DLGAP2: variants seen among roughly 807,000 people sequenced by gnomAD.
The protein encoded by DLGAP2 is DLG associated protein 2.
DLGAP2 carries 26 observed loss-of-function variants against 100.3 expected under a neutral mutation model. The observed-to-expected ratio is 0.26, with a 90% CI of 0.19 to 0.36. The LOEUF (loss-of-function observed/expected upper bound fraction) is 0.36. Ranked by LOEUF, DLGAP2 falls within the 10% of genes least tolerant of loss-of-function variation. DLGAP2 has a pLI of 1.00. For missense variants in DLGAP2, 1,858 were observed against 1,453.2 expected, an observed-to-expected ratio of 1.28 and a Z score of -4.53; for synonymous variants, 886 against 630.1, an observed-to-expected ratio of 1.41 and a Z score of -6.08.
intron 3 of DLGAP2, among the ~76,000 whole-genome samples, chr8:1,414,150 T>C (rs531051802): frequency 1.3e-5 from 2 of 152,118 alleles, no homozygotes; most frequent in African/African-American, 4.8e-5. Context: ...TGTTCAGGGT[T>C]GGGGGGAGTT....
intron 3 of DLGAP2, among the ~76,000 whole-genome samples, chr8:1,383,092 G>T (rs769421823): frequency 6.6e-6 from 1 of 152,184 alleles, no homozygotes. Flanking sequence ...ATCGCCACGT[G>T]GGCAGTGCCA....
rs867488078 is a variant in DLGAP2, at chr8:1,655,526, G to A, written c.1811-12803G>A. On this transcript the variant is annotated intron_variant, in intron 8 of 14. Coordinates refer to ENST00000637795, the MANE Select transcript of DLGAP2 (RefSeq NM_001346810.2). ...ATGGAATGCTAATTTTCAAATTCCC[G>A]TTTGGTTTGCAAATGACTTTCAAGC... Among the ~76,000 whole-genome samples the A allele has an allele frequency of 6.3e-4, 96 of 152,338 alleles. 1 individual carries two copies. The highest frequency in any genetic ancestry group is 6.8e-3 in the Middle Eastern group (2 of 294).
chr8:1,478,671 C>T (rs1799005705), intron 3 of DLGAP2, among the ~76,000 whole-genome samples: 2 of 152,142 alleles, frequency 1.3e-5, no homozygotes, highest in African/African-American at 2.4e-5. Context: ...CGGAGATGCC[C>T]AGGGCAATGG....
chr8:786,137 C>A (rs536328675), intron 1 of DLGAP2, among the ~76,000 whole-genome samples: 20 of 152,322 alleles, frequency 1.3e-4, no homozygotes, highest in East Asian at 3.9e-4. Context: ...TCAGCTGGGC[C>A]GGCGCAGGGG....
intron 3 of DLGAP2, among the ~76,000 whole-genome samples, chr8:1,418,029 G>T (rs1796980559): frequency 6.6e-6 from 1 of 152,082 alleles, no homozygotes; most frequent in Non-Finnish European, 1.5e-5. Flanking sequence ...GTTCTGGACA[G>T]TGGAAGTGGG....
At chr8:1,177,894 A>C (rs1417049988) in intron 2 of DLGAP2, among the ~76,000 whole-genome samples, 1 of 152,168 alleles carries the variant, frequency 6.6e-6, no homozygotes, top group African/African-American at 2.4e-5. Context: ...TCAGCATATG[A>C]ATTTCAGGGA....
rs181337354 is a variant in DLGAP2 at position 1,587,017 on chromosome 8, C to T, written c.1442+21123C>T. Among the ~76,000 whole-genome samples the T allele has an allele frequency of 3.3e-5, 5 of 152,278 alleles. No homozygotes were observed. The East Asian group carries it at 9.6e-4, about 29-fold the overall frequency. On this transcript the variant is annotated intron_variant, in intron 6 of 14. Coordinates refer to ENST00000637795, the MANE Select transcript of DLGAP2 (RefSeq NM_001346810.2). ...TACCCATAATCTATGCATAGTTTAA[C>T]CCCTGCCTCTGGAAAGTCCTAGCGG...
intron 2 of DLGAP2, among the ~76,000 whole-genome samples, chr8:1,053,460 T>C (rs567869126): frequency 2.0e-5 from 3 of 152,182 alleles, no homozygotes; most frequent in Non-Finnish European, 4.4e-5. Flanking sequence ...TGTGTCCCAG[T>C]CAGCTCCGTC....
intron 2 of DLGAP2, among the ~76,000 whole-genome samples, chr8:1,067,007 G>A (rs543657203): frequency 3.3e-5 from 5 of 152,270 alleles, no homozygotes; most frequent in Admixed American, 2.0e-4. Flanking sequence ...CCTGATGCCC[G>A]ACTCTGACTG....
intron 3 of DLGAP2, among the ~76,000 whole-genome samples, chr8:1,317,370 G>A (rs1237818355): frequency 3.3e-5 from 4 of 120,926 alleles, no homozygotes; most frequent in East Asian, 2.7e-4. Context: ...AAACTCGGCA[G>A]CTTTTAAAAA....
intron 1 of DLGAP2, among the ~76,000 whole-genome samples, chr8:769,478 A>G (rs1821301495): frequency 6.6e-6 from 1 of 152,206 alleles, no homozygotes; most frequent in Admixed American, 6.5e-5. Flanking sequence ...ATGAAACAAT[A>G]GAGAATCCCC....
chr8:1,050,529 C>T (rs940399006), intron 2 of DLGAP2, among the ~76,000 whole-genome samples: 1 of 152,138 alleles, frequency 6.6e-6, no homozygotes. Context: ...ATTTTCAGCT[C>T]ATGATGGGTT....
intron 2 of DLGAP2, among the ~76,000 whole-genome samples, chr8:1,221,091 C>T (rs978721182): frequency 1.3e-5 from 2 of 152,014 alleles, no homozygotes; most frequent in African/African-American, 4.8e-5. Context: ...GGTGTTTAGC[C>T]TGTTTATATT....
intron 2 of DLGAP2, among the ~76,000 whole-genome samples, chr8:1,149,046 A>G (rs140508999): frequency 7.1e-4 from 108 of 152,208 alleles, no homozygotes; most frequent in East Asian, 6.0e-3. Flanking sequence ...GATTCTGTCA[A>G]TTTTTGCATC....
At chr8:943,392 T>C (rs1799239178) in intron 2 of DLGAP2, among the ~76,000 whole-genome samples, 2 of 152,276 alleles carry the variant, frequency 1.3e-5, no homozygotes, top group South Asian at 2.1e-4. Context: ...ACTTTGGTTT[T>C]GACTGGCCAC....
chr8:1,433,577 C>A (rs1402169336), intron 3 of DLGAP2, among the ~76,000 whole-genome samples: 1 of 152,160 alleles, frequency 6.6e-6, no homozygotes, highest in Non-Finnish European at 1.5e-5. Flanking sequence ...TAGTCCTAAT[C>A]AATAAGGTGC....
At chr8:1,605,507 G>A (rs1050185833) in intron 6 of DLGAP2, among the ~76,000 whole-genome samples, 1 of 152,164 alleles carries the variant, frequency 6.6e-6, no homozygotes, top group Non-Finnish European at 1.5e-5. Flanking sequence ...AGTGCGGCCT[G>A]TCCTTTGTGC....
At chr8:927,398 C>G (rs1189323725) in intron 2 of DLGAP2, among the ~76,000 whole-genome samples, 1 of 152,096 alleles carries the variant, frequency 6.6e-6, no homozygotes, top group East Asian at 1.9e-4. Flanking sequence ...CCCCAAGGCT[C>G]TTGGGTCTAC....
At chr8:1,595,616 G>A (rs1183009019) in intron 6 of DLGAP2, among the ~76,000 whole-genome samples, 8 of 143,890 alleles carry the variant, frequency 5.6e-5, no homozygotes, top group East Asian at 2.0e-4. Context: ...GCAGTGAGCC[G>A]AGATTGCGCC....
Sources: allele counts gnomAD v4.1 joint callset (sites outside exome capture counted in the v4.1 genomes callset), GRCh38; gene constraint gnomAD v4.1.1; transcripts MANE v1.5; gene names NCBI Gene and HGNC (gene_info 2026-07-23, HGNC 2026-07-21).